PTPRD: variants seen among roughly 807,000 people sequenced by gnomAD.
PTPRD encodes protein tyrosine phosphatase receptor type D.
In PTPRD, 34 loss-of-function variants were observed where a neutral mutation model predicts 214.5. The ratio of observed to expected loss-of-function variants is 0.16; its 90% CI spans 0.12 to 0.21. The LOEUF is 0.21. Among genes scored for constraint, PTPRD ranks in the 10% least tolerant of loss-of-function variants. PTPRD has a pLI of 1.00. For synonymous variants in PTPRD, 1,128 were observed against 845.7 expected (o/e 1.33, Z -5.79); for missense variants, 2,545 against 2,398.7 (o/e 1.06, Z -1.27).
intron 10 of PTPRD, among the ~76,000 whole-genome samples, chr9:9,059,659 C>T (rs979993302): frequency 4.0e-5 from 6 of 151,612 alleles, no homozygotes; most frequent in Non-Finnish European, 8.8e-5. Context: ...AAGATAGAAA[C>T]ATATTATTAA....
At chr9:9,956,269 A>G (rs972732502) in intron 4 of PTPRD, among the ~76,000 whole-genome samples, 4 of 146,838 alleles carry the variant, frequency 2.7e-5, no homozygotes, top group Admixed American at 6.9e-5. Flanking sequence ...AGCCCTGATT[A>G]AAGTCAAACT....
At chr9:8,888,869 T>C (rs2098513630) in intron 11 of PTPRD, among the ~76,000 whole-genome samples, 1 of 152,214 alleles carries the variant, frequency 6.6e-6, no homozygotes, top group African/African-American at 2.4e-5. Context: ...ATTGTACTTA[T>C]TAACTTGAAG....
At chr9:8,754,902 A>C (rs2093857186) in intron 11 of PTPRD, among the ~76,000 whole-genome samples, 1 of 152,200 alleles carries the variant, frequency 6.6e-6, no homozygotes. Flanking sequence ...AAAGCCTTAA[A>C]CAGGCAATTC....
At chr9:9,245,659 A>G (rs922629492) in intron 9 of PTPRD, among the ~76,000 whole-genome samples, 5 of 152,128 alleles carry the variant, frequency 3.3e-5, no homozygotes, top group African/African-American at 9.7e-5. Flanking sequence ...TAGGAGATAT[A>G]CTTAATGCTA....
chr9:9,546,237 T>C (rs2078779749), intron 8 of PTPRD, among the ~76,000 whole-genome samples: 1 of 151,500 alleles, frequency 6.6e-6, no homozygotes, highest in South Asian at 2.1e-4. Context: ...TGTTGTGGAA[T>C]TTTTGGAATT....
At chr9:8,755,570 T>G (rs1454920067) in intron 11 of PTPRD, among the ~76,000 whole-genome samples, 1 of 151,924 alleles carries the variant, frequency 6.6e-6, no homozygotes, top group Non-Finnish European at 1.5e-5. Context: ...AGAAATAACT[T>G]ACATATTCAT....
chr9:8,764,579 C>T (rs1212522197), intron 11 of PTPRD, among the ~76,000 whole-genome samples: 6 of 151,976 alleles, frequency 3.9e-5, no homozygotes, highest in Non-Finnish European at 7.4e-5. Context: ...GGGTGGATCA[C>T]AAGGTCAGGA....
At chr9:8,892,617 A>ATGTGTATATATATG (rs1168766832) in intron 11 of PTPRD, among the ~76,000 whole-genome samples, 4,743 of 145,096 alleles carry the variant, frequency 0.033, 137 homozygotes, top group Non-Finnish European at 0.051. Context: ...GTGTATATAT[A>ATGTGTATATATATG]TGTGTATATA....
chr9:8,639,928 G>A (rs1189120059), intron 12 of PTPRD, among the ~76,000 whole-genome samples: 1 of 152,120 alleles, frequency 6.6e-6, no homozygotes, highest in Non-Finnish European at 1.5e-5. Context: ...GTCAGGCATT[G>A]AAGTTTTTTG....
intron 3 of PTPRD, among the ~76,000 whole-genome samples, chr9:10,245,083 G>T (rs1015347749): frequency 1.3e-5 from 2 of 152,042 alleles, no homozygotes; most frequent in African/African-American, 4.8e-5. Context: ...ATGACATAAA[G>T]TTTGACATTT....
chr9:10,115,097 G>C (rs188489469), intron 3 of PTPRD, among the ~76,000 whole-genome samples: 1 of 151,646 alleles, frequency 6.6e-6, no homozygotes, highest in Non-Finnish European at 1.5e-5. Context: ...CAAGGACAAG[G>C]TTTAGGTCAA....
intron 11 of PTPRD, among the ~76,000 whole-genome samples, chr9:8,807,714 C>T (rs1424859174): frequency 6.6e-6 from 1 of 151,804 alleles, no homozygotes; most frequent in African/African-American, 2.4e-5. Flanking sequence ...CACAAAACGT[C>T]TTTCATGGTT....
chr9:9,712,310 A>AT (rs2097752756), intron 7 of PTPRD, among the ~76,000 whole-genome samples: 1 of 152,162 alleles, frequency 6.6e-6, no homozygotes, highest in Non-Finnish European at 1.5e-5. Context: ...AATTCATCAG[A>AT]TTTTTTTCTC....
At chr9:8,432,699 G>C (rs2095134255) in intron 35 of PTPRD, among the ~76,000 whole-genome samples, 1 of 152,132 alleles carries the variant, frequency 6.6e-6, no homozygotes, top group African/African-American at 2.4e-5. Flanking sequence ...CCCACAAAAT[G>C]TTGCTCTGAG....
chr9:10,388,372 G>C (rs2097968759), intron 2 of PTPRD, among the ~76,000 whole-genome samples: 1 of 151,456 alleles, frequency 6.6e-6, no homozygotes, highest in Non-Finnish European at 1.5e-5. Flanking sequence ...ATACAAGTCT[G>C]CATTTCTTGG....
intron 12 of PTPRD, among the ~76,000 whole-genome samples, chr9:8,658,765 G>A (rs536850986): frequency 1.3e-5 from 2 of 151,642 alleles, no homozygotes; most frequent in African/African-American, 4.8e-5. Flanking sequence ...TAGCTACAAA[G>A]GATGAGGCGG....
intron 9 of PTPRD, among the ~76,000 whole-genome samples, chr9:9,245,533 A>G (rs1245251548): frequency 1.3e-5 from 2 of 151,132 alleles, no homozygotes; most frequent in African/African-American, 4.9e-5. Flanking sequence ...AAAACCAAAC[A>G]CTGCATGTTC....
chr9:8,951,962 G>A (rs540455518), intron 11 of PTPRD, among the ~76,000 whole-genome samples: 23 of 151,648 alleles, frequency 1.5e-4, no homozygotes, highest in African/African-American at 5.1e-4. Context: ...TTCATTCTTC[G>A]GTCTCTGCTC....
intron 2 of PTPRD, among the ~76,000 whole-genome samples, chr9:10,582,863 G>C (rs1295884079): frequency 6.6e-6 from 1 of 152,184 alleles, no homozygotes; most frequent in Admixed American, 6.5e-5. Context: ...TACGTCAGGT[G>C]ACAAAGAAGG....
Sources: allele counts gnomAD v4.1 joint callset (sites outside exome capture counted in the v4.1 genomes callset), GRCh38; gene constraint gnomAD v4.1.1; transcripts MANE v1.5; gene names NCBI Gene and HGNC (gene_info 2026-07-23, HGNC 2026-07-21).